The following CAMKMT variants were observed in gnomAD, a reference collection of about 807,000 sequenced individuals.
CAMKMT encodes the protein CaM KMT.
A neutral mutation model predicts 48.0 loss-of-function variants in CAMKMT; 53 were observed. That is an observed-to-expected ratio of 1.10 (90% CI 0.89 to 1.39). CAMKMT has a LOEUF of 1.39. Among genes scored for constraint, CAMKMT ranks in the 40% most tolerant of loss-of-function variants. The pLI, the probability that CAMKMT is intolerant of heterozygous loss-of-function variation, is 0.00. For missense variants in CAMKMT, 428 were observed against 402.7 expected, an observed-to-expected ratio of 1.06 and a Z score of -0.54; for synonymous variants, 165 against 152.3, an observed-to-expected ratio of 1.08 and a Z score of -0.61.
intron 3 of CAMKMT, among the ~76,000 whole-genome samples, chr2:44,573,343 T>C (rs1345593947): frequency 6.6e-6 from 1 of 152,086 alleles, no homozygotes; most frequent in African/African-American, 2.4e-5. Context: ...TTGTTAGATA[T>C]ATGATTTGCA....
At chr2:44,509,469 C>T (rs1670428511) in intron 3 of CAMKMT, among the ~76,000 whole-genome samples, 1 of 152,038 alleles carries the variant, frequency 6.6e-6, no homozygotes, top group Non-Finnish European at 1.5e-5. Flanking sequence ...GCCACCATGC[C>T]TGGCCAATTT....
chr2:44,642,239 A>G (rs1379135901), intron 3 of CAMKMT, among the ~76,000 whole-genome samples: 2 of 152,254 alleles, frequency 1.3e-5, no homozygotes, highest in African/African-American at 2.4e-5. Flanking sequence ...CATGGATGGT[A>G]TAGGCAGGCC....
At chr2:44,377,720 C>A (rs751773042) in intron 2 of CAMKMT, among the ~76,000 whole-genome samples, 34 of 152,230 alleles carry the variant, frequency 2.2e-4, no homozygotes, top group Non-Finnish European at 3.8e-4. Flanking sequence ...GGCTAGAACT[C>A]TTGACTTTTG....
At chr2:44,697,147 A>G (rs1276079003) in intron 3 of CAMKMT, among the ~76,000 whole-genome samples, 3 of 152,200 alleles carry the variant, frequency 2.0e-5, no homozygotes, top group African/African-American at 7.2e-5. Context: ...AAACTTTCCA[A>G]GAACTGAAGA....
At chr2:44,401,665 TA>T (rs1489369156) in intron 3 of CAMKMT, among the ~76,000 whole-genome samples, 1 of 152,250 alleles carries the variant, frequency 6.6e-6, no homozygotes, top group Non-Finnish European at 1.5e-5. Context: ...ATAACTACAT[TA>T]AATATGAATT....
intron 3 of CAMKMT, among the ~76,000 whole-genome samples, chr2:44,602,469 A>G (rs1214934155): frequency 6.6e-6 from 1 of 152,086 alleles, no homozygotes; most frequent in African/African-American, 2.4e-5. Flanking sequence ...TATATCCACC[A>G]TTTAGATTTT....
chr2:44,684,623 G>A (rs972139087), intron 3 of CAMKMT, among the ~76,000 whole-genome samples: 6 of 152,074 alleles, frequency 3.9e-5, no homozygotes, highest in African/African-American at 1.4e-4. Context: ...CCCCAGATAT[G>A]AGCACCCATG....
intron 2 of CAMKMT, among the ~76,000 whole-genome samples, chr2:44,387,809 A>T (rs1680920568): frequency 6.6e-6 from 1 of 152,006 alleles, no homozygotes; most frequent in Non-Finnish European, 1.5e-5. Flanking sequence ...GCCTTGTTTC[A>T]CTGGATACAA....
At chr2:44,721,606 C>G (rs1365291519) in intron 7 of CAMKMT, among the ~76,000 whole-genome samples, 1 of 152,076 alleles carries the variant, frequency 6.6e-6, no homozygotes. Flanking sequence ...AATTAAATGG[C>G]TTTTAGTGTA....
At chr2:44,491,060 A>AGGAT (rs1669475202) in intron 3 of CAMKMT, among the ~76,000 whole-genome samples, 1 of 149,552 alleles carries the variant, frequency 6.7e-6, no homozygotes, top group Non-Finnish European at 1.5e-5. Flanking sequence ...CGGAGGTGGG[A>AGGAT]GGATGGCTCA....
chr2:44,428,356 C>T (rs1162966848), intron 3 of CAMKMT, among the ~76,000 whole-genome samples: 2 of 152,198 alleles, frequency 1.3e-5, no homozygotes, highest in East Asian at 1.9e-4. Context: ...CTTCTCTTCT[C>T]GACGTTCAGA....
intron 6 of CAMKMT, among the ~76,000 whole-genome samples, chr2:44,710,103 T>C (rs879563147): frequency 6.6e-6 from 1 of 151,682 alleles, no homozygotes; most frequent in African/African-American, 2.4e-5. Context: ...TTTTTACCTT[T>C]TTTTAAAAAA....
At chr2:44,430,914 C>G (rs886539385) in intron 3 of CAMKMT, among the ~76,000 whole-genome samples, 1 of 152,098 alleles carries the variant, frequency 6.6e-6, no homozygotes, top group Non-Finnish European at 1.5e-5. Context: ...TGCAAAAGTA[C>G]TATAAGAGCT....
At chr2:44,538,399 A>G (rs1666900932) in intron 3 of CAMKMT, among the ~76,000 whole-genome samples, 1 of 151,492 alleles carries the variant, frequency 6.6e-6, no homozygotes, top group South Asian at 2.1e-4. Context: ...AAGAAAAGAA[A>G]AAAGAAAATG....
chr2:44,419,517 G>T (rs746299149), intron 3 of CAMKMT, among the ~76,000 whole-genome samples: 3 of 152,162 alleles, frequency 2.0e-5, no homozygotes, highest in Non-Finnish European at 4.4e-5. Context: ...GCTTGTAATG[G>T]CAAGGAAATA....
At chr2:44,538,734 T>G (rs912291388) in intron 3 of CAMKMT, among the ~76,000 whole-genome samples, 9 of 151,908 alleles carry the variant, frequency 5.9e-5, no homozygotes, top group African/African-American at 9.7e-5. Context: ...AATTCAACCA[T>G]GTAACCAAAA....
At chr2:44,629,516 A>G (rs530625432) in intron 3 of CAMKMT, among the ~76,000 whole-genome samples, 75 of 149,832 alleles carry the variant, frequency 5.0e-4, no homozygotes, top group Non-Finnish European at 9.5e-4. Context: ...GCTCACTGCA[A>G]TCTCCACCTC....
intron 3 of CAMKMT, among the ~76,000 whole-genome samples, chr2:44,542,494 CAT>C (rs1474591204): frequency 2.0e-4 from 16 of 81,922 alleles, no homozygotes; most frequent in South Asian, 9.5e-4. Context: ...GACACATACA[CAT>C]ACACACACAC....
At chr2:44,366,120 G>C (rs1019194385) in intron 1 of CAMKMT, among the ~76,000 whole-genome samples, 1 of 152,136 alleles carries the variant, frequency 6.6e-6, no homozygotes, top group East Asian at 1.9e-4. Context: ...ATTCAACTTG[G>C]CTTTTAGGGT....
Sources: gnomAD v4.1 joint callset for allele counts (sites outside exome capture counted in the v4.1 genomes callset) on GRCh38, gnomAD v4.1.1 for gene constraint, MANE v1.5 for transcripts, NCBI Gene and HGNC (gene_info 2026-07-23, HGNC 2026-07-21) for gene names.